Variants in SLC6A16 observed in about 807,000 individuals in gnomAD.
The protein encoded by SLC6A16 is solute carrier family 6 member 16.
A neutral mutation model predicts 65.4 loss-of-function variants in SLC6A16; 54 were observed. The observed-to-expected ratio is 0.83, with a 90% CI of 0.66 to 1.04. The LOEUF is 1.04. Among genes scored for constraint, SLC6A16 ranks in the 50% least tolerant of loss-of-function variants. The pLI is 0.00. For missense variants in SLC6A16, 816 were observed against 914.0 expected (o/e 0.89, Z 1.38); for synonymous variants, 330 against 346.5 (o/e 0.95, Z 0.53).
intron 1 of SLC6A16, among the ~76,000 whole-genome samples, 184 bp downstream of exon 1, chr19:49,324,864 G>C (rs1347586118): frequency 6.6e-6 from 1 of 152,188 alleles, no homozygotes; most frequent in African/African-American, 2.4e-5. Context: ...TCCTACGTGG[G>C]GGGTAAAGGA....
At chr19:49,339,602 G>T in the SLC6A16 span, 1 of 1,441,400 alleles carries the variant, frequency 6.9e-7, no homozygotes, top group East Asian at 2.5e-5. The surrounding 1 kb of genome is among the most constrained non-coding windows in gnomAD (Gnocchi z 4.5). Context: ...CTGATTGGGT[G>T]TACGCAGGGA....
the SLC6A16 span, chr19:49,339,070 C>A: frequency 1.3e-6 from 1 of 772,016 alleles, no homozygotes; most frequent in South Asian, 1.6e-5. This position sits in a 1 kb window ranked among gnomAD's most constrained non-coding sequence, Gnocchi z 4.5. Flanking sequence ...AGGGGCGGGG[C>A]CCTCTGAAGG....
chr19:49,328,379 C>T (rs1290744687), upstream of SLC6A16, among the ~76,000 whole-genome samples: 3 of 152,170 alleles, frequency 2.0e-5, no homozygotes, highest in Admixed American at 6.5e-5. Flanking sequence ...TCAGTTACCT[C>T]CACCTGGTCT....
intron 7 of SLC6A16, among the ~76,000 whole-genome samples, chr19:49,306,398 C>T (rs1970387001): frequency 6.6e-6 from 1 of 151,546 alleles, no homozygotes; most frequent in African/African-American, 2.4e-5. Flanking sequence ...CAAAAGTAAG[C>T]AAAGAGAATG....
At chr19:49,320,092 T>C (rs1174052911) in intron 1 of SLC6A16, among the ~76,000 whole-genome samples, 1 of 152,110 alleles carries the variant, frequency 6.6e-6, no homozygotes, top group Non-Finnish European at 1.5e-5. Flanking sequence ...GGGAAATTTA[T>C]AACTATCAAT....
At chr19:49,296,482 A>G (rs1210744443) in intron 7 of SLC6A16, among the ~76,000 whole-genome samples, 1 of 152,254 alleles carries the variant, frequency 6.6e-6, no homozygotes, top group Non-Finnish European at 1.5e-5. Context: ...AGTAGAGCCC[A>G]GAAACATATT....
chr19:49,322,959 C>A (rs1175211642), intron 1 of SLC6A16, among the ~76,000 whole-genome samples: 1 of 148,320 alleles, frequency 6.7e-6, no homozygotes, highest in Non-Finnish European at 1.5e-5. Flanking sequence ...CGCTGGTGTA[C>A]TCACATTTCC....
chr19:49,320,420 C>CAAA (rs1269580656), intron 1 of SLC6A16, among the ~76,000 whole-genome samples: 8 of 123,214 alleles, frequency 6.5e-5, no homozygotes, highest in African/African-American at 2.5e-4. Context: ...AACAAACAAA[C>CAAA]AAACAAACAA....
At chr19:49,339,321 AC>A in the SLC6A16 span, 4 of 1,611,776 alleles carry the variant, frequency 2.5e-6, no homozygotes, top group Middle Eastern at 3.3e-4. This position sits in a 1 kb window ranked among gnomAD's most constrained non-coding sequence, Gnocchi z 4.5. Flanking sequence ...TTTTCCCTAC[AC>A]CCCCCAGGGC....
At chr19:49,321,258 A>C (rs1970705697) in intron 1 of SLC6A16, among the ~76,000 whole-genome samples, 1 of 152,158 alleles carries the variant, frequency 6.6e-6, no homozygotes, top group Admixed American at 6.5e-5. Context: ...TGAAAGAAAA[A>C]TAATGATTCT....
At chr19:49,334,659 T>C in the SLC6A16 span, among the ~76,000 whole-genome samples, 3 of 95,302 alleles carry the variant, frequency 3.1e-5, no homozygotes, top group African/African-American at 1.5e-4. Context: ...AGTGAGACCC[T>C]ATCTCTGTTT....
the SLC6A16 span, chr19:49,335,995 C>G: frequency 1.7e-6 from 1 of 595,560 alleles, no homozygotes; most frequent in South Asian, 2.0e-5. This position sits in a 1 kb window ranked among gnomAD's most constrained non-coding sequence, Gnocchi z 4.6. Context: ...AGAGCCATTT[C>G]TCAAGCACTT....
rs1970114762 is a variant in SLC6A16 at position 49,293,288 on chromosome 19, G to A, written c.1713C>T (p.Val571=). The A allele has an allele frequency of 6.2e-7, 1 of 1,614,166 alleles. No individual in the cohort carries two copies. Among genetic ancestry groups the A allele is most frequent in the East Asian group, 2.2e-5 (1 of 44,890 alleles). ...FIRLLSDYWI[V]FPIIVVVVFE... is the part of the protein sequence containing the mutation. ...ATACGACAACGACGATGATGGGGAA[G>A]ACTATCCAGTAGTCACTCAGCAGTC... Residue 571 remains valine (V), a synonymous_variant, in exon 10 of 12, where the codon GTC becomes GTT. Transcript: ENST00000335875.
At chr19:49,299,509 C>G (rs1212086655) in intron 7 of SLC6A16, among the ~76,000 whole-genome samples, 1 of 140,344 alleles carries the variant, frequency 7.1e-6, no homozygotes, top group Non-Finnish European at 1.5e-5. Context: ...AGCCGAAAGC[C>G]TGGGTGACAG....
In SLC6A16 at chr19:49,290,597, AG is replaced by A; in HGVS notation, c.1941+7del. The A allele has an allele frequency of 6.2e-7, 1 of 1,613,724 alleles. No homozygotes were observed. Among genetic ancestry groups the A allele is most frequent in the Non-Finnish European group, 8.5e-7 (1 of 1,179,774 alleles). On this transcript the variant is annotated splice_region_variant and intron_variant, in intron 11 of 11. Transcript: ENST00000335875. ...CCAAAGGGGTTCTGGGTCCTGGGGG[AG>A]GCTCACGGTGCTTGAGTCCCAGGAC...
upstream of SLC6A16, among the ~76,000 whole-genome samples, chr19:49,325,496 C>G (rs528013869): frequency 2.0e-5 from 3 of 152,214 alleles, no homozygotes; most frequent in Admixed American, 6.5e-5. Context: ...GTGGGAGAAT[C>G]GTCTCATTCA....
chr19:49,307,724 C>CAAAA lies in SLC6A16; in HGVS notation c.1229+1148_1229+1151dup, dbSNP rs74182049. ...GAGAGAGAGGAAGAGGAGGAGGAAGCAAAAAAAAAGAAAAAGAAAAAAAAG... is the reference window on the plus strand; with the variant it reads ...GAGAGAGAGGAAGAGGAGGAGGAAGCAAAAAAAAAAAAAGAAAAAGAAAAAAAAG... On this transcript the variant is annotated intron_variant, in intron 7 of 11. Transcript: ENST00000335875. Among the ~76,000 whole-genome samples, 7 of 76,700 alleles carry CAAAA rather than the reference C, an allele frequency of 9.1e-5. 1 individual carries two copies. The highest frequency in any genetic ancestry group is 1.3e-4 in the African/African-American group (2 of 15,988). The allele number at this position is 76,700 out of a possible 152,430, so 50.3% of individuals were successfully genotyped here.
At chr19:49,339,930 G>C in the SLC6A16 span, 1 of 1,369,950 alleles carries the variant, frequency 7.3e-7, no homozygotes. The surrounding 1 kb of genome is among the most constrained non-coding windows in gnomAD (Gnocchi z 4.5). Flanking sequence ...CTGGAAGTGC[G>C]GGCGCAGAAT....
chr19:49,310,619 C>A, intron 2 of SLC6A16, 109 bp from the exon 3 acceptor site: 2 of 1,183,606 alleles, frequency 1.7e-6, no homozygotes, highest in Non-Finnish European at 2.4e-6. Flanking sequence ...TCCAGGGCCA[C>A]AGGCATCAGG....
Sources: gnomAD v4.1 joint callset for allele counts (sites outside exome capture counted in the v4.1 genomes callset) on GRCh38, gnomAD v4.1.1 for gene constraint, Gnocchi (gnomAD v3.1) non-coding constraint, MANE v1.5 for transcripts, NCBI Gene and HGNC (gene_info 2026-07-23, HGNC 2026-07-21) for gene names.